The following ARMC8 variants were observed in gnomAD, a reference collection of about 807,000 sequenced individuals.
The protein encoded by ARMC8 is armadillo repeat-containing protein 8.
ARMC8 carries 20 observed loss-of-function variants against 99.3 expected under a neutral mutation model. The observed-to-expected ratio is 0.20, with a 90% CI of 0.14 to 0.29. The LOEUF (loss-of-function observed/expected upper bound fraction) is 0.29. Ranked by LOEUF, ARMC8 falls within the 10% of genes least tolerant of loss-of-function variation. ARMC8 has a pLI of 1.00. For synonymous variants in ARMC8, 263 were observed against 278.3 expected, an observed-to-expected ratio of 0.95 and a Z score of 0.55; for missense variants, 569 against 809.5, an observed-to-expected ratio of 0.70 and a Z score of 3.60.
rs1283402444 is a variant in ARMC8 at position 138,298,147 on chromosome 3, G to T, written c.*2255G>T. 6.6e-6 allele frequency: 1 copy of T among 152,234 alleles called. No individual in the cohort carries two copies. Among genetic ancestry groups the T allele is most frequent in the Non-Finnish European group, 1.5e-5 (1 of 68,040 alleles). 9.4% of individuals were successfully genotyped at this position (152,234 alleles called of 1,614,324 possible). A position where few individuals can be genotyped will look rare whatever the true frequency, so the allele number is the denominator to read the frequency against. On this transcript the variant is annotated 3_prime_UTR_variant, in exon 22 of 22. Transcript: ENST00000469044. Reference sequence around the variant, plus strand: ...AAGTGGGAAGAGTGGACATGGTATTGTGTCTACACCCAAGTTCTTAACTAA... The same window carrying T: ...AAGTGGGAAGAGTGGACATGGTATTTTGTCTACACCCAAGTTCTTAACTAA...
intron 1 of ARMC8, among the ~76,000 whole-genome samples, chr3:138,209,223 AC>A (rs2044560786): frequency 6.6e-6 from 1 of 152,196 alleles, no homozygotes. Context: ...TAGTGAAGAA[AC>A]TTAGCTTGCT....
At chr3:138,253,463 T>G (rs372358300) in intron 12 of ARMC8, among the ~76,000 whole-genome samples, 1 of 152,228 alleles carries the variant, frequency 6.6e-6, no homozygotes, top group Non-Finnish European at 1.5e-5. Context: ...TTTTAACTAT[T>G]ACATCACTTT....
chr3:138,218,115 T>C (rs1334998867), intron 2 of ARMC8, among the ~76,000 whole-genome samples: 3 of 152,162 alleles, frequency 2.0e-5, no homozygotes, highest in Non-Finnish European at 4.4e-5. Flanking sequence ...TAGTCAGTGC[T>C]CTGAAGGGTC....
chr3:138,189,458 C>T (rs1198929884), intron 1 of ARMC8, among the ~76,000 whole-genome samples: 1 of 152,126 alleles, frequency 6.6e-6, no homozygotes, highest in African/African-American at 2.4e-5. Context: ...CTACCCAGAG[C>T]ACCATGTTTT....
intron 12 of ARMC8, chr3:138,246,578 G>C (rs1292946988): frequency 1.0e-6 from 1 of 985,462 alleles, no homozygotes; most frequent in Non-Finnish European, 1.2e-6. Flanking sequence ...TTAGAAACAG[G>C]AGAAGTATTT....
In ARMC8 at chr3:138,223,516, C is replaced by T. The variant is rs141108325; in HGVS notation, c.322C>T (p.Pro108Ser). The T allele has an allele frequency of 6.8e-6, 11 of 1,614,082 alleles. No homozygotes were observed. The Admixed American group carries it at 8.3e-5, about 12-fold the overall frequency. Reference protein sequence around the residue: ...VKSLLDCHIIPALLQGLLSPD... With the variant: ...VKSLLDCHIISALLQGLLSPD... ...GTCTCTACTGGACTGCCATATTATC[C>T]CTGCCTTATTGCAAGGTATGTAGGG... The change falls in exon 4 of 22, where the codon CCT becomes TCT. Residue 108 changes from proline to serine, a missense_variant. Pro to Ser is a moderately conservative substitution (Grantham distance 74). This residue lies in a region of ARMC8 where 342 missense variants were observed against 391.6 expected (regional missense o/e 0.87). Coordinates refer to ENST00000469044, the MANE Select transcript of ARMC8 (RefSeq NM_001363941.2).
At chr3:138,216,316 A>C (rs2045038430) in intron 2 of ARMC8, among the ~76,000 whole-genome samples, 1 of 152,160 alleles carries the variant, frequency 6.6e-6, no homozygotes, top group Non-Finnish European at 1.5e-5. Context: ...GCCCAAGTTG[A>C]TTTGAGCTGA....
At chr3:138,230,532 A>C (rs1356930990) in intron 6 of ARMC8, among the ~76,000 whole-genome samples, 2 of 152,108 alleles carry the variant, frequency 1.3e-5, no homozygotes. Flanking sequence ...GTGTGCCTGT[A>C]GTCCCAGCTA....
At chr3:138,230,665 T>G (rs1207557802) in intron 6 of ARMC8, among the ~76,000 whole-genome samples, 2 of 151,968 alleles carry the variant, frequency 1.3e-5, no homozygotes, top group Non-Finnish European at 2.9e-5. Context: ...AAAAAATAAA[T>G]AAATAAAATT....
chr3:138,216,589 C>T (rs1012316911), intron 2 of ARMC8, among the ~76,000 whole-genome samples: 3 of 152,190 alleles, frequency 2.0e-5, no homozygotes, highest in African/African-American at 4.8e-5. Flanking sequence ...AGGGACAGAG[C>T]ATTGTGTATG....
chr3:138,205,757 G>A (rs2044339727), intron 1 of ARMC8, among the ~76,000 whole-genome samples: 1 of 152,182 alleles, frequency 6.6e-6, no homozygotes, highest in African/African-American at 2.4e-5. Context: ...GGGCAACGAG[G>A]TTGAGACCTT....
chr3:138,246,104 C>A, intron 12 of ARMC8: 1 of 985,320 alleles, frequency 1.0e-6, no homozygotes, highest in African/African-American at 1.7e-5. Flanking sequence ...CAGAGAAGTT[C>A]TTCAGGCCTG....
chr3:138,268,470 T>C (rs1030717696), intron 15 of ARMC8, among the ~76,000 whole-genome samples: 1 of 152,160 alleles, frequency 6.6e-6, no homozygotes, highest in African/African-American at 2.4e-5. Flanking sequence ...ACTGCTCTTA[T>C]ATTGCTCCAG....
intron 6 of ARMC8, among the ~76,000 whole-genome samples, chr3:138,229,431 T>C (rs998573509): frequency 1.3e-5 from 2 of 151,252 alleles, no homozygotes; most frequent in African/African-American, 2.4e-5. Flanking sequence ...TCCAGTCTTA[T>C]GCTATTACAA....
intron 3 of ARMC8, 73 bp from the exon 4 acceptor site, chr3:138,223,315 AC>A: frequency 7.0e-7 from 1 of 1,423,932 alleles, no homozygotes; most frequent in South Asian, 1.3e-5. Flanking sequence ...TGTGGACTGC[AC>A]AGCCTTTTTT....
At chr3:138,223,840 T>A in intron 5 of ARMC8, 107 bp downstream of exon 5, 1 of 961,080 alleles carries the variant, frequency 1.0e-6, no homozygotes, top group South Asian at 1.4e-5. Flanking sequence ...TAAAAAAGTC[T>A]CAGTTGGTCA....
At chr3:138,236,152 G>A (rs1240328550) in intron 7 of ARMC8, among the ~76,000 whole-genome samples, 4 of 152,108 alleles carry the variant, frequency 2.6e-5, no homozygotes, top group Non-Finnish European at 5.9e-5. Context: ...CTACTAATGT[G>A]TATGTTTTCC....
chr3:138,190,828 T>C (rs1385867450), intron 1 of ARMC8, among the ~76,000 whole-genome samples: 5 of 152,224 alleles, frequency 3.3e-5, no homozygotes. Context: ...CTCTGTCCTT[T>C]TGGAAATGTT....
chr3:138,201,564 C>T (rs923782935), intron 1 of ARMC8, among the ~76,000 whole-genome samples: 3 of 145,206 alleles, frequency 2.1e-5, no homozygotes, highest in African/African-American at 2.5e-5. Flanking sequence ...CGGGTTCAAG[C>T]GATTCTCGTG....
Sources: allele counts gnomAD v4.1 joint callset (sites outside exome capture counted in the v4.1 genomes callset), GRCh38; gene constraint gnomAD v4.1.1; regional missense constraint gnomAD v4.1.1; transcripts MANE v1.5; gene names NCBI Gene and HGNC (gene_info 2026-07-23, HGNC 2026-07-21).